GALNT5: variants seen among roughly 807,000 people sequenced by gnomAD.
GALNT5 encodes the protein polypeptide N-acetylgalactosaminyltransferase 5.
GALNT5 carries 72 observed loss-of-function variants against 85.4 expected under a neutral mutation model. The observed-to-expected ratio is 0.84, with a 90% CI of 0.70 to 1.03. The LOEUF is 1.03. Ranked by LOEUF, GALNT5 falls within the 50% of genes least tolerant of loss-of-function variation. GALNT5 has a pLI of 0.00. For missense variants in GALNT5, 1,137 were observed against 1,135.5 expected (o/e 1.00, Z -0.02); for synonymous variants, 404 against 397.0 (o/e 1.02, Z -0.21).
intron 1 of GALNT5, among the ~76,000 whole-genome samples, chr2:157,280,577 A>G (rs1482543838): frequency 1.3e-5 from 2 of 152,250 alleles, no homozygotes; most frequent in South Asian, 4.1e-4. Flanking sequence ...GGCAGTCAGA[A>G]GAAACTAATA....
At chr2:157,295,596 G>C in intron 3 of GALNT5, 67 bp from the exon 4 acceptor site, 4 of 1,272,476 alleles carry the variant, frequency 3.1e-6, no homozygotes, top group Non-Finnish European at 4.4e-6. Context: ...CAATACCTTT[G>C]AACATGAAGT....
intron 1 of GALNT5, among the ~76,000 whole-genome samples, chr2:157,275,129 A>C (rs1324251818): frequency 6.6e-6 from 1 of 152,200 alleles, no homozygotes; most frequent in Non-Finnish European, 1.5e-5. Flanking sequence ...GTCGAAGATC[A>C]GATGGTTGTA....
intron 1 of GALNT5, among the ~76,000 whole-genome samples, chr2:157,274,414 C>T (rs1403996900): frequency 1.3e-5 from 2 of 152,220 alleles, no homozygotes; most frequent in East Asian, 3.9e-4. Flanking sequence ...GACTGTCTTC[C>T]ACAATGGTTG....
At chr2:157,281,931 G>GTT (rs1452356968) in intron 1 of GALNT5, among the ~76,000 whole-genome samples, 9 of 152,150 alleles carry the variant, frequency 5.9e-5, no homozygotes, top group Non-Finnish European at 1.2e-4. Context: ...GAGTACAAAT[G>GTT]TGAGAGAAAA....
rs182844704 is a variant in GALNT5 at position 157,313,752 on chromosome 2, T to C, written c.*2404T>C. 4 of 152,320 alleles carry C rather than the reference T, an allele frequency of 2.6e-5. No homozygotes were observed. The East Asian group carries it at 7.7e-4, about 29-fold the overall frequency. The allele number at this position is 152,320 out of a possible 1,614,324, so 9.4% of individuals were successfully genotyped here. A position where few individuals can be genotyped will look rare whatever the true frequency, so the allele number is the denominator to read the frequency against. ...TTGGATTTTTTTCCTTAACAGAAAC[T>C]TCTGCAGTCCTCTCAGTTCACATCC... is the stretch of plus-strand genomic sequence containing the variant. On this transcript the variant is annotated 3_prime_UTR_variant, in exon 10 of 10. Transcript: ENST00000259056.
Position 157,317,186 on chromosome 2 carries a change from A to G in GALNT5, c.*5838A>G, listed in dbSNP as rs1359432257. On this transcript the variant is annotated 3_prime_UTR_variant, in exon 10 of 10. Coordinates refer to ENST00000259056, the MANE Select transcript of GALNT5 (RefSeq NM_014568.3). The stretch of plus-strand genomic sequence containing the variant: ...ACTGTATGTGTGTGTATATATATAT[A>G]TATATATATATATTTTTTTTTTTGA... Among the ~76,000 whole-genome samples, 421 of 138,974 alleles carry G rather than the reference A, an allele frequency of 3.0e-3. 3 individuals carry two copies. The highest frequency in any genetic ancestry group is 0.011 in the African/African-American group (406 of 36,022). 91.2% of individuals were successfully genotyped at this position (138,974 alleles called of 152,430 possible). A position where few individuals can be genotyped will look rare whatever the true frequency, so the allele number is the denominator to read the frequency against.
intron 1 of GALNT5, among the ~76,000 whole-genome samples, chr2:157,266,255 A>AG (rs1682456569): frequency 6.6e-6 from 1 of 152,120 alleles, no homozygotes; most frequent in South Asian, 2.1e-4. Flanking sequence ...TTAACAGATG[A>AG]GGGGGGAAAA....
At chr2:157,271,032 C>T (rs146867834) in intron 1 of GALNT5, among the ~76,000 whole-genome samples, 3,716 of 151,856 alleles carry the variant, frequency 0.024, 156 homozygotes, top group East Asian at 0.13. Context: ...AGGAGAATGG[C>T]GTGAACCCGG....
chr2:157,286,608 G>A (rs889013062), intron 3 of GALNT5, among the ~76,000 whole-genome samples: 9 of 151,840 alleles, frequency 5.9e-5, no homozygotes, highest in African/African-American at 1.9e-4. Context: ...CGTTCACACC[G>A]TTCTCCTGCC....
intron 1 of GALNT5, among the ~76,000 whole-genome samples, chr2:157,275,697 T>A (rs1574017459): frequency 6.6e-6 from 1 of 152,156 alleles, no homozygotes; most frequent in South Asian, 2.1e-4. Context: ...CTTTGCTGAA[T>A]TTGCTGGTCA....
intron 1 of GALNT5, among the ~76,000 whole-genome samples, chr2:157,266,213 A>G (rs1351247921): frequency 1.3e-5 from 2 of 152,212 alleles, no homozygotes; most frequent in Non-Finnish European, 2.9e-5. Flanking sequence ...CCTTGTGGCC[A>G]TGCCAGATTA....
In GALNT5 at chr2:157,316,487, G is replaced by A. The variant is rs1683707052; in HGVS notation, c.*5139G>A. ...AACAGAAATAAAAAGTTAAAAAGTT[G>A]GAGTCCTTTAAAACACAAACCATGA... On this transcript the variant is annotated 3_prime_UTR_variant, in exon 10 of 10. Transcript: ENST00000259056. 6.6e-6 allele frequency among the ~76,000 whole-genome samples: 1 copy of A among 152,020 alleles called. No homozygotes were observed. Among genetic ancestry groups the A allele is most frequent in the Admixed American group, 6.6e-5 (1 of 15,244 alleles).
intron 1 of GALNT5, among the ~76,000 whole-genome samples, chr2:157,277,582 CT>C (rs1682761920): frequency 6.6e-6 from 1 of 152,146 alleles, no homozygotes; most frequent in African/African-American, 2.4e-5. Flanking sequence ...TAATGGCCTT[CT>C]TTGTCTCTTT....
At chr2:157,264,543 A>C (rs972936285) in intron 1 of GALNT5, among the ~76,000 whole-genome samples, 1 of 152,238 alleles carries the variant, frequency 6.6e-6, no homozygotes, top group African/African-American at 2.4e-5. Context: ...CTCTTAGCCC[A>C]GAGCCAGGAC....
At chr2:157,301,039 A>C (rs779365187) in intron 7 of GALNT5, 40 bp downstream of exon 7, 6 of 1,386,636 alleles carry the variant, frequency 4.3e-6, no homozygotes, top group Non-Finnish European at 6.0e-6. Context: ...CTCCATAAAA[A>C]CAAAACACAA....
In GALNT5 at chr2:157,308,575, A is replaced by G; in HGVS notation, c.2529A>G (p.Gln843=). 6.2e-7 allele frequency: 1 copy of G among 1,605,746 alleles called. No homozygotes were observed. Among genetic ancestry groups the G allele is most frequent in the Non-Finnish European group, 8.5e-7 (1 of 1,177,752 alleles). Residue 843 remains glutamine (Q), a synonymous_variant, in exon 9 of 10, where the codon CAA becomes CAG. Transcript: ENST00000259056. Reference sequence around the variant, plus strand: ...ATTCATTTCCCCCACAGCTTCAACAATTTAATTACACCTGGTTAAGACTTA... The same window carrying G: ...ATTCATTTCCCCCACAGCTTCAACAGTTTAATTACACCTGGTTAAGACTTA... ...EDCDGSKELQ[Q]FNYTWLRLIK...
At chr2:157,276,374 G>A (rs1682727366) in intron 1 of GALNT5, among the ~76,000 whole-genome samples, 1 of 152,226 alleles carries the variant, frequency 6.6e-6, no homozygotes, top group South Asian at 2.1e-4. Flanking sequence ...TTTTTGTATT[G>A]ATTGGAATAG....
intron 3 of GALNT5, among the ~76,000 whole-genome samples, chr2:157,293,223 G>C (rs528872585): frequency 2.6e-5 from 4 of 152,304 alleles, no homozygotes; most frequent in African/African-American, 9.6e-5. Flanking sequence ...TATATTTATT[G>C]ATCACAGTTT....
chr2:157,261,640 T>A (rs1387492238), intron 1 of GALNT5, among the ~76,000 whole-genome samples: 1 of 152,236 alleles, frequency 6.6e-6, no homozygotes, highest in African/African-American at 2.4e-5. Context: ...CCTCCCAAAG[T>A]ATTTTTCAGT....
Sources: gnomAD v4.1 joint callset for allele counts (sites outside exome capture counted in the v4.1 genomes callset) on GRCh38, gnomAD v4.1.1 for gene constraint, MANE v1.5 for transcripts, NCBI Gene and HGNC (gene_info 2026-07-23, HGNC 2026-07-21) for gene names.